The following KLHL29 variants were observed in gnomAD, a reference collection of about 807,000 sequenced individuals.
The protein encoded by KLHL29 is kelch like family member 29.
KLHL29 carries 21 observed loss-of-function variants against 80.4 expected under a neutral mutation model. The observed-to-expected ratio is 0.26, with a 90% CI of 0.19 to 0.38. The LOEUF is 0.38. KLHL29 is among the 10% of genes least tolerant of loss of function. The pLI, the probability that KLHL29 is intolerant of heterozygous loss-of-function variation, is 1.00. For missense variants in KLHL29, 867 were observed against 1,223.9 expected (o/e 0.71, Z 4.35); for synonymous variants, 511 against 526.8 (o/e 0.97, Z 0.41).
Position 23,533,364 on chromosome 2 carries a change from C to G in KLHL29, c.-45-28788C>G, listed in dbSNP as rs527670707. On this transcript the variant is annotated intron_variant, in intron 2 of 13. Transcript: ENST00000486442. ...ACCCTCTGGGGCTGGCATTCTACCC[C>G]CTTTGGAAAGAAAGCTGGGATGGTC... Among the ~76,000 whole-genome samples the G allele has an allele frequency of 5.5e-4, 84 of 152,258 alleles. 1 individual carries two copies. Among genetic ancestry groups the G allele is most frequent in the Admixed American group, 2.9e-3 (45 of 15,292 alleles).
In KLHL29 at chr2:23,522,122, C is replaced by A. The variant is rs115702381; in HGVS notation, c.-45-40030C>A. Among the ~76,000 whole-genome samples, 986 of 152,190 alleles carry A rather than the reference C, an allele frequency of 6.5e-3. 11 individuals carry two copies. Among genetic ancestry groups the A allele is most frequent in the African/African-American group, 0.023 (941 of 41,482 alleles). On this transcript the variant is annotated intron_variant, in intron 2 of 13. Transcript: ENST00000486442. ...GGATGCTGGGGCTTGCCTGTGAACACCAAGCTTCAGTGTGTGTTTATTCTA... is the reference window on the plus strand; with the variant it reads ...GGATGCTGGGGCTTGCCTGTGAACAACAAGCTTCAGTGTGTGTTTATTCTA...
intron 3 of KLHL29, among the ~76,000 whole-genome samples, chr2:23,604,362 TG>T (rs1216436019): frequency 6.6e-6 from 1 of 152,214 alleles, no homozygotes. Flanking sequence ...CCCAGAGTGC[TG>T]GGATTACAGG....
chr2:23,541,937 T>G (rs1024668784), intron 2 of KLHL29, among the ~76,000 whole-genome samples: 1 of 152,166 alleles, frequency 6.6e-6, no homozygotes, highest in Non-Finnish European at 1.5e-5. Context: ...GCCGTAGTGG[T>G]GCAGCTGCTC....
At chr2:23,481,541 C>G (rs1558354272) in intron 2 of KLHL29, among the ~76,000 whole-genome samples, 1 of 152,252 alleles carries the variant, frequency 6.6e-6, no homozygotes, top group Non-Finnish European at 1.5e-5. Context: ...GCCACAGTAG[C>G]TGGTCAGCAG....
intron 11 of KLHL29, among the ~76,000 whole-genome samples, chr2:23,702,750 C>G (rs1672478511): frequency 2.0e-5 from 3 of 152,330 alleles, no homozygotes; most frequent in Middle Eastern, 3.4e-3. Context: ...TGGCTGCCTT[C>G]CCCACGAGGC....
chr2:23,697,435 C>T lies in KLHL29; in HGVS notation c.2105+922C>T, dbSNP rs550956652. 3.3e-5 allele frequency: 5 copies of T among 152,436 alleles called. No homozygotes were observed. In the South Asian group the frequency reaches 1.0e-3, roughly 32 times the overall value. 9.4% of individuals were successfully genotyped at this position (152,436 alleles called of 1,614,324 possible). On this transcript the variant is annotated intron_variant, in intron 11 of 13. Transcript: ENST00000486442. Reference sequence around the variant, plus strand: ...GGCCCAAAGCACAACCCAGGGGAGACAGCTAAGATTGCCAGAGCCCCTCCT... The same window carrying T: ...GGCCCAAAGCACAACCCAGGGGAGATAGCTAAGATTGCCAGAGCCCCTCCT...
At chr2:23,410,136 T>C (rs777134705) in intron 1 of KLHL29, among the ~76,000 whole-genome samples, 5 of 152,218 alleles carry the variant, frequency 3.3e-5, no homozygotes, top group Non-Finnish European at 7.3e-5. Context: ...TGTGTCTTTA[T>C]TGCAAGAGCA....
intron 11 of KLHL29, chr2:23,698,035 G>A (rs1055496536): frequency 6.6e-6 from 1 of 152,226 alleles, no homozygotes; most frequent in Admixed American, 6.5e-5. Flanking sequence ...ATAGGGATTT[G>A]TTCAAGGATC....
At chr2:23,510,794 G>A (rs1665746880) in intron 2 of KLHL29, among the ~76,000 whole-genome samples, 1 of 152,156 alleles carries the variant, frequency 6.6e-6, no homozygotes, top group African/African-American at 2.4e-5. Context: ...TGAGAGAGAT[G>A]CCTTCTCAAG....
intron 3 of KLHL29, among the ~76,000 whole-genome samples, chr2:23,615,839 C>T (rs1423104428): frequency 1.3e-5 from 2 of 152,318 alleles, no homozygotes; most frequent in African/African-American, 2.4e-5. Flanking sequence ...CCTTCCTGCA[C>T]GTCAGCGTCG....
At chr2:23,685,978 GAGCAC>G (rs1671240632) in intron 6 of KLHL29, among the ~76,000 whole-genome samples, 1 of 152,242 alleles carries the variant, frequency 6.6e-6, no homozygotes, top group Admixed American at 6.5e-5. Context: ...TGGGTGAGAG[GAGCAC>G]AGGGCCCTCG....
chr2:23,658,249 C>T (rs903297869), intron 5 of KLHL29, among the ~76,000 whole-genome samples: 4 of 152,124 alleles, frequency 2.6e-5, no homozygotes, highest in African/African-American at 9.7e-5. Context: ...CCAGCCTGTG[C>T]CACCAGAGCC....
In KLHL29 at chr2:23,657,287, G is replaced by A. The variant is rs569412927; in HGVS notation, c.940+14437G>A. On this transcript the variant is annotated intron_variant, in intron 5 of 13. Coordinates refer to ENST00000486442, the MANE Select transcript of KLHL29 (RefSeq NM_052920.2). The stretch of plus-strand genomic sequence containing the variant: ...TAGATTCTGAGGACGAAGGCAGTTC[G>A]TGATGTAGCGTATTCAAGGCTCTCA... 3.3e-4 allele frequency among the ~76,000 whole-genome samples: 50 copies of A among 152,334 alleles called. No homozygotes were observed. The South Asian group carries it at 9.9e-3, about 30-fold the overall frequency.
At chr2:23,529,932 C>G (rs1315900041) in intron 2 of KLHL29, among the ~76,000 whole-genome samples, 1 of 152,164 alleles carries the variant, frequency 6.6e-6, no homozygotes, top group African/African-American at 2.4e-5. Flanking sequence ...GCTTGTCACT[C>G]ACCAAAGTGG....
At chr2:23,521,205 G>A (rs1666091934) in intron 2 of KLHL29, among the ~76,000 whole-genome samples, 1 of 152,128 alleles carries the variant, frequency 6.6e-6, no homozygotes, top group Non-Finnish European at 1.5e-5. Context: ...GCTTCCCCAA[G>A]GGCATTCCTT....
intron 2 of KLHL29, among the ~76,000 whole-genome samples, chr2:23,559,119 A>C (rs1572400448): frequency 6.6e-6 from 1 of 151,980 alleles, no homozygotes; most frequent in Non-Finnish European, 1.5e-5. Flanking sequence ...TAGCCGGGGG[A>C]GGGTCGGAAG....
chr2:23,667,027 GGT>G (rs1450639534), intron 5 of KLHL29, among the ~76,000 whole-genome samples: 1 of 152,200 alleles, frequency 6.6e-6, no homozygotes, highest in Non-Finnish European at 1.5e-5. Context: ...GGCTCAGTGA[GGT>G]TCCCTGGGGG....
chr2:23,605,210 C>T (rs1354563457), intron 3 of KLHL29, among the ~76,000 whole-genome samples: 1 of 148,562 alleles, frequency 6.7e-6, no homozygotes, highest in Non-Finnish European at 1.5e-5. Flanking sequence ...TTCCCAGGCT[C>T]AAGGGATCTT....
chr2:23,685,766 G>C (rs928286568), intron 6 of KLHL29, among the ~76,000 whole-genome samples: 6 of 152,204 alleles, frequency 3.9e-5, no homozygotes, highest in Non-Finnish European at 7.3e-5. Flanking sequence ...GGGGTGAAGG[G>C]ACATGTCTAG....
Sources: gnomAD v4.1 joint callset for allele counts (sites outside exome capture counted in the v4.1 genomes callset) on GRCh38, gnomAD v4.1.1 for gene constraint, MANE v1.5 for transcripts, NCBI Gene and HGNC (gene_info 2026-07-23, HGNC 2026-07-21) for gene names.